MDGA2: variants seen among roughly 807,000 people sequenced by gnomAD.
MDGA2 encodes the protein MAM domain containing glycosylphosphatidylinositol anchor 2.
A neutral mutation model predicts 117.8 loss-of-function variants in MDGA2; 40 were observed. That is an observed-to-expected ratio of 0.34 (90% CI 0.26 to 0.44). The LOEUF (loss-of-function observed/expected upper bound fraction) is 0.44. MDGA2 is among the 20% of genes least tolerant of loss of function. The probability of loss-of-function intolerance (pLI) is 1.00; values close to 1 mark genes in which losing one functional copy is unlikely to be tolerated. For synonymous variants in MDGA2, 452 were observed against 439.0 expected (o/e 1.03, Z -0.37); for missense variants, 1,123 against 1,250.6 (o/e 0.90, Z 1.54).
intron 1 of MDGA2, among the ~76,000 whole-genome samples, chr14:47,495,462 A>T (rs548093765): frequency 2.0e-5 from 3 of 152,312 alleles, no homozygotes; most frequent in Non-Finnish European, 4.4e-5. Flanking sequence ...AAAATTAGAA[A>T]TCATGCTGCT....
chr14:47,432,991 A>G (rs1388631477), intron 1 of MDGA2, among the ~76,000 whole-genome samples: 2 of 152,080 alleles, frequency 1.3e-5, no homozygotes, highest in African/African-American at 4.8e-5. Flanking sequence ...ACTGGGACAC[A>G]AAGATGAAGA....
chr14:47,651,213 GGTGTGTGTGTGTGTGTGT>G (rs56853118), intron 1 of MDGA2, among the ~76,000 whole-genome samples: 24 of 146,520 alleles, frequency 1.6e-4, no homozygotes, highest in Admixed American at 1.2e-3. Context: ...GTGTGCATGT[GGTGTGTGTGTGTGTGTGT>G]GTGTGTGTGT....
chr14:47,262,406 C>T (rs1198741741), intron 2 of MDGA2, among the ~76,000 whole-genome samples: 1 of 152,072 alleles, frequency 6.6e-6, no homozygotes, highest in East Asian at 1.9e-4. Context: ...ACAAGGCTGT[C>T]CCAAATATCA....
chr14:47,639,272 G>A (rs1897379727), intron 1 of MDGA2, among the ~76,000 whole-genome samples: 2 of 152,176 alleles, frequency 1.3e-5, no homozygotes, highest in Admixed American at 1.3e-4. Context: ...TATATCTTTT[G>A]AAAATGTCAT....
intron 6 of MDGA2, among the ~76,000 whole-genome samples, chr14:47,064,976 A>G (rs2138806082): frequency 6.6e-6 from 1 of 152,238 alleles, no homozygotes; most frequent in Non-Finnish European, 1.5e-5. Context: ...TGGAAAAAGG[A>G]TAGCAGAAAT....
At chr14:47,634,934 T>C (rs746695176) in intron 1 of MDGA2, among the ~76,000 whole-genome samples, 5 of 152,068 alleles carry the variant, frequency 3.3e-5, no homozygotes, top group Admixed American at 6.5e-5. Flanking sequence ...AAAATCATAG[T>C]TTAACACTTC....
chr14:46,944,309 G>A (rs989519371), intron 9 of MDGA2, among the ~76,000 whole-genome samples: 7 of 151,888 alleles, frequency 4.6e-5, no homozygotes, highest in African/African-American at 1.7e-4. Flanking sequence ...TTTCTTCTAA[G>A]CTGTATTGTT....
intron 11 of MDGA2, among the ~76,000 whole-genome samples, chr14:46,878,749 G>C (rs1882330422): frequency 1.3e-5 from 2 of 151,822 alleles, no homozygotes; most frequent in Admixed American, 6.6e-5. Flanking sequence ...TTTAAAATTA[G>C]TAAAAATTAA....
rs1050436672 is a variant in MDGA2, at chr14:47,061,651, C to A, written c.1196-73G>T. 6.8e-6 allele frequency: 8 copies of A among 1,182,336 alleles called. No homozygotes were observed. The African/African-American group carries it at 1.1e-4, about 16-fold the overall frequency. The allele number at this position is 1,182,336 out of a possible 1,614,324, so 73.2% of individuals were successfully genotyped here. A position where few individuals can be genotyped will look rare whatever the true frequency, so the allele number is the denominator to read the frequency against. On this transcript the variant is annotated intron_variant, in intron 6 of 16. Transcript: ENST00000399232. ...TAAGGATTCATTAACTGTAGATAAT[C>A]ATCTCTGAGCTGAAATAAAGTAAAA... is the stretch of plus-strand genomic sequence containing the variant.
intron 1 of MDGA2, among the ~76,000 whole-genome samples, chr14:47,666,962 A>T (rs1476586122): frequency 1.3e-5 from 2 of 152,122 alleles, no homozygotes; most frequent in African/African-American, 4.8e-5. Context: ...GCGAGACCAC[A>T]AACCCACTAG....
intron 1 of MDGA2, among the ~76,000 whole-genome samples, chr14:47,361,219 A>C (rs1219278696): frequency 3.2e-4 from 45 of 141,396 alleles, no homozygotes; most frequent in African/African-American, 1.2e-3. Flanking sequence ...ATATATATAT[A>C]TATATATATG....
At chr14:47,221,128 A>G (rs950330512) in intron 2 of MDGA2, among the ~76,000 whole-genome samples, 5 of 145,242 alleles carry the variant, frequency 3.4e-5, no homozygotes, top group African/African-American at 1.3e-4. Context: ...TTTTAAAACC[A>G]AAAGGACATA....
Position 47,173,034 on chromosome 14 carries a change from G to C in MDGA2, c.596-28760C>G, listed in dbSNP as rs563217634. ...CCCCAGGAGCCGATGCGATCAACTG[G>C]AAGAAAGGGTATCAGTGATGGAAGA... On this transcript the variant is annotated intron_variant, in intron 3 of 16. Transcript: ENST00000399232. Among the ~76,000 whole-genome samples, 235 of 152,266 alleles carry C rather than the reference G, an allele frequency of 1.5e-3. 1 individual carries two copies. Among genetic ancestry groups the C allele is most frequent in the African/African-American group, 5.4e-3 (224 of 41,560 alleles).
chr14:47,082,869 T>C (rs1164440842), intron 6 of MDGA2, among the ~76,000 whole-genome samples: 5 of 151,968 alleles, frequency 3.3e-5, no homozygotes, highest in South Asian at 4.2e-4. Context: ...TGCCAGATAA[T>C]TGGAACCTAT....
At position 46,904,978 on chromosome 14, in the gene MDGA2, C is replaced by T. The variant is rs190597671; in HGVS notation, c.2238+15034G>A. Among the ~76,000 whole-genome samples the T allele has an allele frequency of 1.6e-3, 240 of 152,244 alleles. 2 individuals are homozygous for T. The highest frequency in any genetic ancestry group is 5.6e-3 in the African/African-American group (233 of 41,546). ...TGGAAATAAATGGGAATCTCTGTAA[C>T]TATGAGAAAGGATATGGAAGTCACA... On this transcript the variant is annotated intron_variant, in intron 10 of 16. Transcript: ENST00000399232.
chr14:47,455,515 T>A (rs558677046), intron 1 of MDGA2, among the ~76,000 whole-genome samples: 1 of 151,452 alleles, frequency 6.6e-6, no homozygotes, highest in African/African-American at 2.4e-5. Flanking sequence ...CAAAAAAGCA[T>A]AGGGGAAGAA....
At chr14:47,136,835 G>C (rs775545152) in intron 4 of MDGA2, among the ~76,000 whole-genome samples, 1 of 152,164 alleles carries the variant, frequency 6.6e-6, no homozygotes, top group Admixed American at 6.5e-5. Flanking sequence ...TCTAATGGTA[G>C]TAATAGGAAC....
At chr14:47,656,119 T>C (rs1897738962) in intron 1 of MDGA2, among the ~76,000 whole-genome samples, 1 of 152,184 alleles carries the variant, frequency 6.6e-6, no homozygotes. Context: ...GAGACCATGG[T>C]GCCAAAAATG....
intron 1 of MDGA2, among the ~76,000 whole-genome samples, chr14:47,314,553 C>T (rs1361313630): frequency 6.6e-6 from 1 of 151,944 alleles, no homozygotes; most frequent in Non-Finnish European, 1.5e-5. Context: ...TGGCATGAGC[C>T]TGTATCCCTA....
Sources: allele counts gnomAD v4.1 joint callset (sites outside exome capture counted in the v4.1 genomes callset), GRCh38; gene constraint gnomAD v4.1.1; transcripts MANE v1.5; gene names NCBI Gene and HGNC (gene_info 2026-07-23, HGNC 2026-07-21).